Variants in ODR4 observed in about 807,000 individuals in gnomAD.
The protein encoded by ODR4 is odr-4 GPCR localization factor homolog.
In ODR4, 47 loss-of-function variants were observed where a neutral mutation model predicts 60.2. That is an observed-to-expected ratio of 0.78 (90% confidence interval 0.62 to 1.00). ODR4 has a LOEUF of 1.00. ODR4 is among the 50% of genes least tolerant of loss of function. The probability of loss-of-function intolerance (pLI) is 0.00; values close to 1 mark genes in which losing one functional copy is unlikely to be tolerated. For synonymous variants in ODR4, 178 were observed against 175.5 expected (o/e 1.01, Z -0.11); for missense variants, 488 against 530.8 (o/e 0.92, Z 0.79).
chr1:186,378,925 C>G (rs1395453696), intron 1 of ODR4, among the ~76,000 whole-genome samples: 1 of 152,138 alleles, frequency 6.6e-6, no homozygotes, highest in African/African-American at 2.4e-5. Flanking sequence ...ATGTATTGCT[C>G]AAGGACAGAG....
At chr1:186,398,290 C>G (rs1660776569) in intron 9 of ODR4, 23 bp from the exon 10 acceptor site, 1 of 1,554,446 alleles carries the variant, frequency 6.4e-7, no homozygotes, top group Non-Finnish European at 8.7e-7. Flanking sequence ...GTTATTAGAA[C>G]TTAAACAGAT....
At chr1:186,384,795 T>G (rs1275925417) in intron 3 of ODR4, among the ~76,000 whole-genome samples, 1 of 152,164 alleles carries the variant, frequency 6.6e-6, no homozygotes, top group Non-Finnish European at 1.5e-5. Context: ...TTGTCAGAAT[T>G]GTGCTACTAT....
intron 1 of ODR4, among the ~76,000 whole-genome samples, chr1:186,378,919 A>G (rs2102009494): frequency 6.6e-6 from 1 of 152,340 alleles, no homozygotes; most frequent in African/African-American, 2.4e-5. Context: ...TGTAGTATGT[A>G]TTGCTCAAGG....
In ODR4 at chr1:186,388,412, TCAATTAGTGTGTA is replaced by T. The variant is rs1571668152; in HGVS notation, c.331-29_331-17del. The T allele has an allele frequency of 7.9e-7, 1 of 1,266,984 alleles. No individual in the cohort carries two copies. Among genetic ancestry groups the T allele is most frequent in the Non-Finnish European group, 1.1e-6 (1 of 922,540 alleles). The allele number at this position is 1,266,984 out of a possible 1,614,324, so 78.5% of individuals were successfully genotyped here. On this transcript the variant is annotated splice_polypyrimidine_tract_variant and intron_variant, in intron 4 of 13. Coordinates refer to ENST00000287859, the MANE Select transcript of ODR4 (RefSeq NM_017847.6). ...CTCATCTTTTTTTTTCATTTTACAT[TCAATTAGTGTGTA>T]TTTTTCTCTCTTTCAGCTAATGTTT...
rs150761977 is a variant in ODR4 at position 186,409,602 on chromosome 1, A to G, written c.1186+3334A>G. Among the ~76,000 whole-genome samples the G allele has an allele frequency of 6.8e-3, 1,036 of 152,280 alleles. 13 individuals carry two copies. The highest frequency in any genetic ancestry group is 0.022 in the African/African-American group (931 of 41,566). Reference sequence around the variant, plus strand: ...GCTCTGTCTCCCAAGCTGGATTGCAATGTTGCATTCTCAGCTCACTGCAAC... The same window carrying G: ...GCTCTGTCTCCCAAGCTGGATTGCAGTGTTGCATTCTCAGCTCACTGCAAC... On this transcript the variant is annotated intron_variant, in intron 12 of 13. Transcript: ENST00000287859.
In ODR4 at chr1:186,421,198, A is replaced by C. The variant is rs1228451242; in HGVS notation, c.*2122A>C. 1 of 152,244 alleles carries C rather than the reference A, an allele frequency of 6.6e-6. No individual in the cohort carries two copies. The highest frequency in any genetic ancestry group is 1.5e-5 in the Non-Finnish European group (1 of 68,038). 9.4% of individuals were successfully genotyped at this position (152,244 alleles called of 1,614,324 possible). A position where few individuals can be genotyped will look rare whatever the true frequency, so the allele number is the denominator to read the frequency against. On this transcript the variant is annotated 3_prime_UTR_variant, in exon 14 of 14. Transcript: ENST00000287859. ...TCAGTAAAGAGACTACAAAAGGATG[A>C]TCTTCAAGAAGGGAAATGATTCTAA...
chr1:186,418,784 G>C (rs1661681518), intron 13 of ODR4, among the ~76,000 whole-genome samples: 1 of 152,202 alleles, frequency 6.6e-6, no homozygotes, highest in African/African-American at 2.4e-5. Context: ...GTGCAAGAGA[G>C]ATACTTTGTC....
chr1:186,406,795 T>G (rs751008451), intron 12 of ODR4, among the ~76,000 whole-genome samples: 1 of 152,210 alleles, frequency 6.6e-6, no homozygotes, highest in Non-Finnish European at 1.5e-5. Flanking sequence ...CTATCCAGGT[T>G]TTGTAACACA....
At chr1:186,376,641 G>GA (rs1193776281) in intron 1 of ODR4, among the ~76,000 whole-genome samples, 1 of 152,206 alleles carries the variant, frequency 6.6e-6, no homozygotes, top group Non-Finnish European at 1.5e-5. Context: ...AATAACTAAG[G>GA]AAAAATAAAT....
chr1:186,426,362 G>C (rs1183968418), downstream of ODR4, among the ~76,000 whole-genome samples: 2 of 152,232 alleles, frequency 1.3e-5, no homozygotes, highest in Non-Finnish European at 2.9e-5. Context: ...ACGTGATGCT[G>C]TGTGGGGTAT....
At chr1:186,392,453 C>G (rs899950247) in intron 8 of ODR4, among the ~76,000 whole-genome samples, 1 of 152,142 alleles carries the variant, frequency 6.6e-6, no homozygotes, top group Non-Finnish European at 1.5e-5. Context: ...TACTGTGCAG[C>G]CATTAAAACA....
At chr1:186,408,212 G>A (rs912219049) in intron 12 of ODR4, among the ~76,000 whole-genome samples, 2 of 152,024 alleles carry the variant, frequency 1.3e-5, no homozygotes, top group African/African-American at 4.8e-5. Flanking sequence ...TCGTAATGGT[G>A]GAGCTGGAAT....
intron 12 of ODR4, among the ~76,000 whole-genome samples, chr1:186,414,841 GA>G (rs1399167619): frequency 6.6e-6 from 1 of 152,148 alleles, no homozygotes; most frequent in Non-Finnish European, 1.5e-5. Context: ...TTTTAACAGA[GA>G]TATTTGCTCA....
At chr1:186,405,785 C>G (rs916080690) in intron 11 of ODR4, among the ~76,000 whole-genome samples, 2 of 152,112 alleles carry the variant, frequency 1.3e-5, no homozygotes, top group African/African-American at 2.4e-5. Context: ...CTCCTGACCT[C>G]AAGTGATCTG....
In ODR4 at chr1:186,420,405, C is replaced by T. The variant is rs1661733342; in HGVS notation, c.*1329C>T. On this transcript the variant is annotated 3_prime_UTR_variant, in exon 14 of 14. Transcript: ENST00000287859. ...TCCTAATTTAGTTCCAAGATTCCTA[C>T]AGATTATTATCAAGTAGTAGTATTT... 6.6e-6 allele frequency: 1 copy of T among 152,174 alleles called. No individual in the cohort carries two copies. Among genetic ancestry groups the T allele is most frequent in the South Asian group, 2.1e-4 (1 of 4,826 alleles). 9.4% of individuals were successfully genotyped at this position (152,174 alleles called of 1,614,324 possible). A position where few individuals can be genotyped will look rare whatever the true frequency, so the allele number is the denominator to read the frequency against.
chr1:186,421,880 A>AAAGC (rs1553239789), downstream of ODR4, among the ~76,000 whole-genome samples: 1 of 28,916 alleles, frequency 3.5e-5, no homozygotes, highest in Non-Finnish European at 8.1e-5. Flanking sequence ...AAAAAAAAAA[A>AAAGC]TGATGAATCA....
At chr1:186,383,192 A>G in intron 3 of ODR4, 36 bp downstream of exon 3, 3 of 1,529,862 alleles carry the variant, frequency 2.0e-6, no homozygotes, top group Non-Finnish European at 2.6e-6. Flanking sequence ...TTTAAGTTTT[A>G]TTTCAAAAAA....
At chr1:186,396,693 G>C (rs534463724) in intron 9 of ODR4, among the ~76,000 whole-genome samples, 1 of 150,750 alleles carries the variant, frequency 6.6e-6, no homozygotes, top group South Asian at 2.1e-4. Flanking sequence ...TAATAGTCTA[G>C]TCTGTTTTGG....
chr1:186,383,400 A>G (rs910382889), intron 3 of ODR4, among the ~76,000 whole-genome samples: 5 of 152,162 alleles, frequency 3.3e-5, no homozygotes, highest in African/African-American at 1.2e-4. Context: ...TGAATGAATT[A>G]TATATCATCA....
Sources: gnomAD v4.1 joint callset for allele counts (sites outside exome capture counted in the v4.1 genomes callset) on GRCh38, gnomAD v4.1.1 for gene constraint, MANE v1.5 for transcripts, NCBI Gene and HGNC (gene_info 2026-07-23, HGNC 2026-07-21) for gene names.